The following SLC68A1 variants were observed in gnomAD, a reference collection of about 807,000 sequenced individuals.
SLC68A1 encodes major facilitator superfamily domain containing 13A.
chr10:102,472,282 T>C, the SLC68A1 span: 2 of 293,456 alleles, frequency 6.8e-6, no homozygotes, highest in South Asian at 2.8e-5. Context: ...CTTTTCTTTT[T>C]TTTTTCTTCT....
chr10:102,476,883 A>T, the SLC68A1 span: 5 of 984,904 alleles, frequency 5.1e-6, no homozygotes, highest in Non-Finnish European at 6.0e-6. Flanking sequence ...CCCACCTCCC[A>T]CTCCGTCCAC....
the SLC68A1 span, among the ~76,000 whole-genome samples, chr10:102,463,431 C>A: frequency 0.99 from 151,170 of 152,282 alleles, 75,039 homozygotes; most frequent in East Asian, 1. Flanking sequence ...TCGGCCTCCC[C>A]AAGTGCTGGG....
the SLC68A1 span, among the ~76,000 whole-genome samples, chr10:102,465,082 G>A: frequency 6.6e-6 from 1 of 151,994 alleles, no homozygotes; most frequent in Non-Finnish European, 1.5e-5. Flanking sequence ...GTGAAACCCC[G>A]TCTCTACTAA....
At chr10:102,472,974 C>T in the SLC68A1 span, 1 of 1,560,258 alleles carries the variant, frequency 6.4e-7, no homozygotes, top group South Asian at 1.1e-5. Flanking sequence ...TTGGGTGCTT[C>T]ATGCAAGCTG....
chr10:102,476,797 C>T, the SLC68A1 span: 7 of 985,770 alleles, frequency 7.1e-6, no homozygotes, highest in African/African-American at 1.0e-4. Flanking sequence ...GAGCTGGCCG[C>T]TGTGGTGGAC....
At chr10:102,473,688 C>T in the SLC68A1 span, 33 of 1,614,022 alleles carry the variant, frequency 2.0e-5, no homozygotes, top group Non-Finnish European at 2.8e-5. Flanking sequence ...TTAGCCTGCT[C>T]ATGTTGTTGG....
chr10:102,468,831 C>T, the SLC68A1 span: 1 of 568,278 alleles, frequency 1.8e-6, no homozygotes, highest in Non-Finnish European at 3.2e-6. Flanking sequence ...ATTCATAATT[C>T]CCAGCGCTGT....
chr10:102,475,793 C>G, the SLC68A1 span: 2 of 1,614,090 alleles, frequency 1.2e-6, no homozygotes, highest in South Asian at 1.1e-5. Flanking sequence ...GCCCCCAGCT[C>G]CAGCCCCTGC....
chr10:102,464,623 C>T, the SLC68A1 span, among the ~76,000 whole-genome samples: 1 of 151,268 alleles, frequency 6.6e-6, no homozygotes, highest in Admixed American at 6.6e-5. Flanking sequence ...AACCCTGTCT[C>T]TACTAAAAAT....
chr10:102,470,273 G>A, the SLC68A1 span, among the ~76,000 whole-genome samples: 3 of 152,098 alleles, frequency 2.0e-5, no homozygotes, highest in Admixed American at 2.0e-4. Flanking sequence ...TGCCTGGCTC[G>A]GCAGGGGAAG....
the SLC68A1 span, chr10:102,472,772 G>A: frequency 2.0e-6 from 2 of 989,408 alleles, no homozygotes; most frequent in Non-Finnish European, 3.3e-6. Flanking sequence ...AGTTGGGGGG[G>A]ATGTGTGTTC....
the SLC68A1 span, chr10:102,476,525 C>T: frequency 1 from 985,979 of 986,020 alleles, 492,969 homozygotes; most frequent in Non-Finnish European, 1. Flanking sequence ...TTTACCAGCA[C>T]CCTGCTCCAC....
chr10:102,462,987 G>A, the SLC68A1 span, among the ~76,000 whole-genome samples: 4 of 152,130 alleles, frequency 2.6e-5, no homozygotes, highest in African/African-American at 9.7e-5. Context: ...GCTAGGAGGG[G>A]CACAGTGGGG....
the SLC68A1 span, chr10:102,472,036 G>A: frequency 1.3e-5 from 6 of 455,766 alleles, no homozygotes; most frequent in Middle Eastern, 3.3e-4. Context: ...AGTGGCTCAC[G>A]CCTGTAATCC....
the SLC68A1 span, chr10:102,475,991 T>C: frequency 1.9e-6 from 3 of 1,558,204 alleles, no homozygotes; most frequent in Non-Finnish European, 2.6e-6. Context: ...GTGAGAGCTG[T>C]GGCAAGGTCA....
chr10:102,475,652 A>T, the SLC68A1 span: 5 of 1,509,628 alleles, frequency 3.3e-6, no homozygotes, highest in Non-Finnish European at 4.4e-6. Context: ...GTCACACCAT[A>T]GACTTGGAGG....
chr10:102,471,869 G>A, the SLC68A1 span, among the ~76,000 whole-genome samples: 1 of 152,178 alleles, frequency 6.6e-6, no homozygotes, highest in Non-Finnish European at 1.5e-5. Context: ...CTGGATTCTA[G>A]CTCCCTCTGA....
the SLC68A1 span, chr10:102,470,847 A>G: frequency 1.9e-6 from 3 of 1,613,274 alleles, no homozygotes; most frequent in Non-Finnish European, 2.5e-6. Context: ...GACCTGCACC[A>G]CCATGCCTTG....
the SLC68A1 span, chr10:102,472,735 C>A: frequency 1.3e-6 from 1 of 787,148 alleles, no homozygotes; most frequent in South Asian, 1.4e-5. Context: ...AAGGCCTGCT[C>A]TCGCTCTTGC....
Sources: gnomAD v4.1 joint callset for allele counts (sites outside exome capture counted in the v4.1 genomes callset) on GRCh38, gnomAD v4.1.1 for gene constraint, MANE v1.5 for transcripts, NCBI Gene and HGNC (gene_info 2026-07-23, HGNC 2026-07-21) for gene names.